Variants in KCNU1 observed in about 807,000 individuals in gnomAD.
KCNU1 encodes potassium channel subfamily U member 1.
KCNU1 carries 93 observed loss-of-function variants against 126.8 expected under a neutral mutation model. The observed-to-expected ratio is 0.73, with a 90% CI of 0.62 to 0.87. The LOEUF is 0.87. Ranked by LOEUF, KCNU1 falls within the 40% of genes least tolerant of loss-of-function variation. The pLI is 0.00. For missense variants in KCNU1, 1,330 were observed against 1,367.1 expected (o/e 0.97, Z 0.43); for synonymous variants, 523 against 494.2 (o/e 1.06, Z -0.77).
In KCNU1 at chr8:36,922,534, G is replaced by T; in HGVS notation, c.2641G>T (p.Glu881Ter). The T allele has an allele frequency of 6.2e-7, 1 of 1,613,560 alleles. No individual in the cohort carries two copies. Reference protein sequence around the residue: ...IHFIEQLGGLEGSLQETNLHL... With the variant: ...IHFIEQLGGL ...CTTTATTGAACAGCTTGGTGGACTGGAAGGGTCCCTCCAAGAAACAAATCT... is the reference window on the plus strand; with the variant it reads ...CTTTATTGAACAGCTTGGTGGACTGTAAGGGTCCCTCCAAGAAACAAATCT... The change falls in exon 24 of 27, where the codon GAA (glutamate) becomes TAA (stop). Residue 881 changes from glutamate (E) to a stop codon, truncating the protein, a stop_gained. Coordinates refer to ENST00000399881, the MANE Select transcript of KCNU1 (RefSeq NM_001031836.3). LOFTEE classifies it high-confidence loss of function.
In KCNU1 at chr8:36,935,842, C is replaced by T. The variant is rs372212954; in HGVS notation, c.3372C>T (p.Asp1124=). 8.7e-6 allele frequency: 14 copies of T among 1,611,268 alleles called. No individual in the cohort carries two copies. The highest frequency in any genetic ancestry group is 1.2e-5 in the Non-Finnish European group (14 of 1,178,822). The part of the protein sequence containing the change: ...SIISSQIPLG[D]NAKENERKTS... ...TATCATCTCAGATACCTTTAGGTGACAATGCAAAAGAAAATGAAAGGAAAA... is the reference window on the plus strand; with the variant it reads ...TATCATCTCAGATACCTTTAGGTGATAATGCAAAAGAAAATGAAAGGAAAA... Residue 1124 remains aspartate, a synonymous_variant, in exon 27 of 27, where the codon GAC becomes GAT. Coordinates refer to ENST00000399881, the MANE Select transcript of KCNU1 (RefSeq NM_001031836.3).
intron 6 of KCNU1, among the ~76,000 whole-genome samples, chr8:36,807,926 A>G (rs1157018425): frequency 1.3e-5 from 2 of 152,174 alleles, no homozygotes; most frequent in African/African-American, 4.8e-5. Flanking sequence ...ATAGCCACCT[A>G]AGTATTTCCA....
chr8:36,909,114 C>CA (rs1807756494), intron 20 of KCNU1, among the ~76,000 whole-genome samples, 197 bp from the exon 21 acceptor site: 1 of 152,122 alleles, frequency 6.6e-6, no homozygotes, highest in African/African-American at 2.4e-5. Context: ...AGAAATTCCA[C>CA]AAAAAAGTAA....
chr8:36,833,040 T>A, intron 10 of KCNU1, among the ~76,000 whole-genome samples: 1 of 152,146 alleles, frequency 6.6e-6, no homozygotes, highest in African/African-American at 2.4e-5. Context: ...AACTTTGTTT[T>A]TGTAATGTGT....
At chr8:36,876,224 T>G (rs1203473036) in intron 19 of KCNU1, among the ~76,000 whole-genome samples, 1 of 152,068 alleles carries the variant, frequency 6.6e-6, no homozygotes, top group East Asian at 1.9e-4. Context: ...AAATACAAAA[T>G]CTATGAACCC....
rs370414136 is a variant in KCNU1 at position 36,836,289 on chromosome 8, TA to T, written c.1296-6del. Reference sequence around the variant, plus strand: ...ATGACTAATGAGAGTGTTTGGGGTTTATATAGGGTGCTCTCTATCAAGAACT... The same window carrying T: ...ATGACTAATGAGAGTGTTTGGGGTTTTATAGGGTGCTCTCTATCAAGAACT... On this transcript the variant is annotated splice_polypyrimidine_tract_variant and splice_region_variant and intron_variant, in intron 12 of 26. Transcript: ENST00000399881. 11 of 1,587,422 alleles carry T rather than the reference TA, an allele frequency of 6.9e-6. No homozygotes were observed. The African/African-American group carries it at 1.5e-4, about 21-fold the overall frequency.
At chr8:36,831,066 T>C in intron 10 of KCNU1, among the ~76,000 whole-genome samples, 1 of 152,036 alleles carries the variant, frequency 6.6e-6, no homozygotes, top group Non-Finnish European at 1.5e-5. Flanking sequence ...ATTTCATCCA[T>C]GTCCCTACAA....
At chr8:36,912,837 G>A (rs998525685) in intron 22 of KCNU1, among the ~76,000 whole-genome samples, 7 of 151,140 alleles carry the variant, frequency 4.6e-5, no homozygotes, top group African/African-American at 1.5e-4. Flanking sequence ...GTGTGGTGGC[G>A]CACGCCTGTA....
At chr8:36,893,316 T>C (rs1172072864) in intron 19 of KCNU1, among the ~76,000 whole-genome samples, 1 of 150,238 alleles carries the variant, frequency 6.7e-6, no homozygotes, top group Non-Finnish European at 1.5e-5. Context: ...CTTTTGAAGA[T>C]TTTTATGGGT....
chr8:36,792,456 C>G (rs544037475), intron 2 of KCNU1, among the ~76,000 whole-genome samples: 16 of 152,088 alleles, frequency 1.1e-4, no homozygotes, highest in African/African-American at 3.6e-4. Flanking sequence ...ATAGACCCTG[C>G]GAGAAAGGGA....
intron 10 of KCNU1, among the ~76,000 whole-genome samples, chr8:36,825,837 T>C (rs1804298371): frequency 6.6e-6 from 1 of 152,174 alleles, no homozygotes; most frequent in Non-Finnish European, 1.5e-5. Flanking sequence ...GCAGTTTATT[T>C]ACTTAAGAAC....
intron 24 of KCNU1, chr8:36,928,768 G>A (rs1808607426): frequency 4.2e-6 from 2 of 479,268 alleles, no homozygotes; most frequent in East Asian, 7.0e-5. Context: ...GTCTTATGCA[G>A]ACACAGCCTA....
At chr8:36,882,281 G>A (rs1326961628) in intron 19 of KCNU1, among the ~76,000 whole-genome samples, 1 of 152,150 alleles carries the variant, frequency 6.6e-6, no homozygotes, top group Admixed American at 6.5e-5. Flanking sequence ...TTTCTTTCCA[G>A]GCAAAGTTCA....
Position 36,836,282 on chromosome 8 carries a change from TG to T in KCNU1, c.1296-10del. On this transcript the variant is annotated splice_polypyrimidine_tract_variant and intron_variant, in intron 12 of 26. Coordinates refer to ENST00000399881, the MANE Select transcript of KCNU1 (RefSeq NM_001031836.3). ...ATGACACATGACTAATGAGAGTGTT[TG>T]GGGTTTATATAGGGTGCTCTCTATC... 1 of 1,562,914 alleles carries T rather than the reference TG, an allele frequency of 6.4e-7. No homozygotes were observed. Among genetic ancestry groups the T allele is most frequent in the Non-Finnish European group, 8.8e-7 (1 of 1,134,406 alleles).
intron 24 of KCNU1, among the ~76,000 whole-genome samples, chr8:36,928,593 T>C (rs1219567953): frequency 6.6e-6 from 1 of 152,186 alleles, no homozygotes; most frequent in Non-Finnish European, 1.5e-5. Context: ...GTTATTTTTA[T>C]TATCTTCTAA....
At position 36,875,885 on chromosome 8, in the gene KCNU1, C is replaced by T. The variant is rs564903514; in HGVS notation, c.2009+11364C>T. ...TCTTTCTAAAAATCCCTGGTTTCAGCTGTTGCCCACAGCATAGATATCTGC... is the reference window on the plus strand; with the variant it reads ...TCTTTCTAAAAATCCCTGGTTTCAGTTGTTGCCCACAGCATAGATATCTGC... On this transcript the variant is annotated intron_variant, in intron 19 of 26. Transcript: ENST00000399881. Among the ~76,000 whole-genome samples, 19 of 152,284 alleles carry T rather than the reference C, an allele frequency of 1.2e-4. No homozygotes were observed. In the East Asian group the frequency reaches 2.9e-3, roughly 23 times the overall value.
At chr8:36,800,407 G>T (rs1414914926) in intron 2 of KCNU1, among the ~76,000 whole-genome samples, 1 of 152,144 alleles carries the variant, frequency 6.6e-6, no homozygotes, top group Non-Finnish European at 1.5e-5. Context: ...TAAGGCTGGG[G>T]CCAGCAACTC....
chr8:36,913,231 T>C (rs1244276989), intron 22 of KCNU1, among the ~76,000 whole-genome samples: 1 of 152,106 alleles, frequency 6.6e-6, no homozygotes, highest in Admixed American at 6.5e-5. Context: ...TTATGATATG[T>C]TGGGTACTCT....
intron 22 of KCNU1, among the ~76,000 whole-genome samples, chr8:36,913,605 T>C (rs1358407381): frequency 6.6e-6 from 1 of 150,742 alleles, no homozygotes; most frequent in Non-Finnish European, 1.5e-5. Context: ...GTCACATTTT[T>C]TTTTTTTTTT....
Sources: gnomAD v4.1 joint callset for allele counts (sites outside exome capture counted in the v4.1 genomes callset) on GRCh38, gnomAD v4.1.1 for gene constraint, MANE v1.5 for transcripts, NCBI Gene and HGNC (gene_info 2026-07-23, HGNC 2026-07-21) for gene names.